The following NSUN6 variants were observed in gnomAD, a reference collection of about 807,000 sequenced individuals.
The protein encoded by NSUN6 is tRNA (cytosine(72)-C(5))-methyltransferase NSUN6.
In NSUN6, 64 loss-of-function variants were observed where a neutral mutation model predicts 58.0. The ratio of observed to expected loss-of-function variants is 1.10; its 90% CI spans 0.90 to 1.36. The LOEUF (loss-of-function observed/expected upper bound fraction) is 1.36, where lower values mean the gene tolerates loss of function less well. Ranked by LOEUF, NSUN6 falls within the 40% of genes most tolerant of loss-of-function variation. The pLI is 0.00. For synonymous variants in NSUN6, 231 were observed against 193.9 expected, an observed-to-expected ratio of 1.19 and a Z score of -1.59; for missense variants, 701 against 550.1, an observed-to-expected ratio of 1.27 and a Z score of -2.74.
At chr10:18,646,329 C>T (rs2059545933) in intron 2 of NSUN6, among the ~76,000 whole-genome samples, 1 of 152,170 alleles carries the variant, frequency 6.6e-6, no homozygotes, top group African/African-American at 2.4e-5. Context: ...AAGAAATCCA[C>T]AGCCTAAAAC....
At chr10:18,565,947 T>C (rs1457358491) in intron 8 of NSUN6, among the ~76,000 whole-genome samples, 1 of 150,486 alleles carries the variant, frequency 6.6e-6, no homozygotes, top group African/African-American at 2.4e-5. Flanking sequence ...CCCATTCCCT[T>C]CCATTCTCCA....
chr10:18,605,934 C>T (rs1345157814), intron 6 of NSUN6, among the ~76,000 whole-genome samples: 1 of 151,790 alleles, frequency 6.6e-6, no homozygotes, highest in Non-Finnish European at 1.5e-5. Flanking sequence ...CAACTTATGA[C>T]AAAACGGAAA....
chr10:18,599,927 T>G (rs1469570222), intron 6 of NSUN6, among the ~76,000 whole-genome samples: 1 of 150,258 alleles, frequency 6.7e-6, no homozygotes, highest in Non-Finnish European at 1.5e-5. Flanking sequence ...CTGTGGATTG[T>G]GTTTAAGCAA....
intron 3 of NSUN6, among the ~76,000 whole-genome samples, chr10:18,625,801 T>C (rs115750378): frequency 6.7e-6 from 1 of 148,602 alleles, no homozygotes; most frequent in African/African-American, 2.5e-5. Flanking sequence ...TGGCTAAATG[T>C]CTAAAGTTGA....
rs567726241 is a variant in NSUN6 at position 18,611,914 on chromosome 10, C to T, written c.576-1988G>A. On this transcript the variant is annotated intron_variant, in intron 5 of 10. Coordinates refer to ENST00000377304, the MANE Select transcript of NSUN6 (RefSeq NM_182543.5). ...TTTAGCATACAATAAATGCTGACTCCTTTTCTTCCTCTTCTCATCCCTTTA... is the reference window on the plus strand; with the variant it reads ...TTTAGCATACAATAAATGCTGACTCTTTTTCTTCCTCTTCTCATCCCTTTA... Among the ~76,000 whole-genome samples, 62 of 152,250 alleles carry T rather than the reference C, an allele frequency of 4.1e-4. No homozygotes were observed. The East Asian group carries it at 5.0e-3, about 12-fold the overall frequency.
chr10:18,632,416 A>C (rs2059064337), intron 3 of NSUN6, among the ~76,000 whole-genome samples: 2 of 142,648 alleles, frequency 1.4e-5, no homozygotes, highest in Admixed American at 1.4e-4. Flanking sequence ...GGATCTAATT[A>C]AACTAAAGAG....
intron 8 of NSUN6, among the ~76,000 whole-genome samples, chr10:18,581,383 T>C (rs1475754153): frequency 6.6e-6 from 1 of 152,166 alleles, no homozygotes; most frequent in Admixed American, 6.5e-5. Context: ...GAAAGTGACC[T>C]CTGGTGGTCC....
chr10:18,558,322 A>AATG (rs2055204691), intron 8 of NSUN6, among the ~76,000 whole-genome samples: 1 of 146,846 alleles, frequency 6.8e-6, no homozygotes, highest in South Asian at 2.1e-4. Flanking sequence ...AATGGAGAAC[A>AATG]GAATGGAATG....
rs192808098 is a variant in NSUN6 at position 18,627,840 on chromosome 10, A to C, written c.312-11547T>G. ...GCAGCCAGGCTGGGGGAGGGGCGCC[A>C]GCCATTGCCCAGGCTTGCTTAGGCA... On this transcript the variant is annotated intron_variant, in intron 3 of 10. Coordinates refer to ENST00000377304, the MANE Select transcript of NSUN6 (RefSeq NM_182543.5). Among the ~76,000 whole-genome samples the C allele has an allele frequency of 4.6e-3, 705 of 152,366 alleles. 7 individuals are homozygous for C. Among genetic ancestry groups the C allele is most frequent in the African/African-American group, 0.015 (640 of 41,592 alleles).
chr10:18,612,279 T>G (rs1050760213), intron 5 of NSUN6, among the ~76,000 whole-genome samples: 2 of 152,032 alleles, frequency 1.3e-5, no homozygotes, highest in African/African-American at 4.8e-5. Context: ...AAATATCAGC[T>G]GATCATGGTG....
intron 7 of NSUN6, among the ~76,000 whole-genome samples, chr10:18,590,067 A>G (rs1252345915): frequency 6.6e-6 from 1 of 152,182 alleles, no homozygotes; most frequent in South Asian, 2.1e-4. Context: ...AGGAATATTT[A>G]CCAAGTCAAT....
chr10:18,587,384 G>A (rs1345607742), intron 7 of NSUN6, among the ~76,000 whole-genome samples: 2 of 152,134 alleles, frequency 1.3e-5, no homozygotes, highest in Non-Finnish European at 2.9e-5. Flanking sequence ...CAAAACCTCT[G>A]TATAGCATAG....
intron 6 of NSUN6, among the ~76,000 whole-genome samples, chr10:18,601,420 C>T (rs1339240539): frequency 6.6e-6 from 1 of 152,180 alleles, no homozygotes; most frequent in Non-Finnish European, 1.5e-5. Context: ...ACCTGGATTT[C>T]AACTTGAACC....
intron 8 of NSUN6, among the ~76,000 whole-genome samples, chr10:18,584,078 G>C (rs12243188): frequency 0.032 from 4,931 of 152,152 alleles, 275 homozygotes; most frequent in African/African-American, 0.11. Context: ...ACTGGCCAGC[G>C]AACTTTCACC....
At chr10:18,590,351 A>T (rs1476455752) in intron 7 of NSUN6, among the ~76,000 whole-genome samples, 1 of 152,314 alleles carries the variant, frequency 6.6e-6, no homozygotes, top group Non-Finnish European at 1.5e-5. Flanking sequence ...GATCAATGAG[A>T]CAGAAAATTA....
At chr10:18,562,866 G>A (rs1357775461) in intron 8 of NSUN6, among the ~76,000 whole-genome samples, 1 of 150,462 alleles carries the variant, frequency 6.6e-6, no homozygotes, top group Non-Finnish European at 1.5e-5. Flanking sequence ...CTTATGAATG[G>A]AATAGAGAAT....
At chr10:18,601,172 T>G (rs1046224570) in intron 6 of NSUN6, among the ~76,000 whole-genome samples, 2 of 151,486 alleles carry the variant, frequency 1.3e-5, no homozygotes, top group Non-Finnish European at 2.9e-5. Context: ...TAATATATAT[T>G]CAAAGTGCCT....
chr10:18,555,096 ATGGAG>A (rs897845293), intron 8 of NSUN6, among the ~76,000 whole-genome samples: 1 of 151,438 alleles, frequency 6.6e-6, no homozygotes, highest in African/African-American at 2.4e-5. Flanking sequence ...AGAGAATGGA[ATGGAG>A]TGAAGAATGG....
intron 6 of NSUN6, among the ~76,000 whole-genome samples, chr10:18,598,261 A>T (rs2057673045): frequency 6.6e-6 from 1 of 152,182 alleles, no homozygotes; most frequent in Non-Finnish European, 1.5e-5. Flanking sequence ...ACATGTAAGA[A>T]CTAATGATAA....
Sources: gnomAD v4.1 joint callset for allele counts (sites outside exome capture counted in the v4.1 genomes callset) on GRCh38, gnomAD v4.1.1 for gene constraint, MANE v1.5 for transcripts, NCBI Gene and HGNC (gene_info 2026-07-23, HGNC 2026-07-21) for gene names.